Variants in MAP4K3 observed in about 807,000 individuals in gnomAD.
MAP4K3 encodes mitogen-activated protein kinase kinase kinase kinase 3, also known as MAPK/ERK kinase kinase kinase 3.
MAP4K3 carries 94 observed loss-of-function variants against 143.5 expected under a neutral mutation model. The observed-to-expected ratio is 0.65, with a 90% CI of 0.55 to 0.78. MAP4K3 has a LOEUF of 0.78. MAP4K3 is among the 30% of genes least tolerant of loss of function. The pLI, the probability that MAP4K3 is intolerant of heterozygous loss-of-function variation, is 0.00. For synonymous variants in MAP4K3, 416 were observed against 347.2 expected (o/e 1.20, Z -2.20); for missense variants, 1,077 against 1,068.1 (o/e 1.01, Z -0.12).
In MAP4K3 at chr2:39,318,869, T is replaced by C. The variant is rs150575968; in HGVS notation, c.919-3481A>G. On this transcript the variant is annotated intron_variant, in intron 12 of 33. Transcript: ENST00000263881. ...GGGAGCTAGATGAGAATGTCAAGTTTGTACGGGAAGGAAAGACATAGACAG... is the reference window on the plus strand; with the variant it reads ...GGGAGCTAGATGAGAATGTCAAGTTCGTACGGGAAGGAAAGACATAGACAG... Among the ~76,000 whole-genome samples the C allele has an allele frequency of 7.9e-3, 1,208 of 152,272 alleles. 16 individuals carry two copies. Among genetic ancestry groups the C allele is most frequent in the African/African-American group, 0.028 (1,158 of 41,552 alleles).
At chr2:39,304,416 C>T (rs1682620088) in intron 15 of MAP4K3, among the ~76,000 whole-genome samples, 1 of 152,142 alleles carries the variant, frequency 6.6e-6, no homozygotes, top group Non-Finnish European at 1.5e-5. Context: ...TTTTAGTGGC[C>T]AGCCACAAGC....
intron 2 of MAP4K3, among the ~76,000 whole-genome samples, chr2:39,369,427 G>A (rs544260940): frequency 1.3e-5 from 2 of 151,994 alleles, no homozygotes; most frequent in South Asian, 2.1e-4. Context: ...GATTACAGGC[G>A]TGAGCTACTG....
At chr2:39,281,810 GTAT>G (rs901330748) in intron 22 of MAP4K3, among the ~76,000 whole-genome samples, 4 of 150,202 alleles carry the variant, frequency 2.7e-5, no homozygotes, top group African/African-American at 9.7e-5. Context: ...TATAATTTAA[GTAT>G]TATATAAATT....
chr2:39,259,350 G>A (rs1312404386), intron 29 of MAP4K3, among the ~76,000 whole-genome samples: 1 of 152,124 alleles, frequency 6.6e-6, no homozygotes, highest in African/African-American at 2.4e-5. Context: ...AATGTCACAA[G>A]TCTCCCAGTG....
chr2:39,310,214 T>C (rs1012903285), intron 13 of MAP4K3, among the ~76,000 whole-genome samples: 2 of 152,222 alleles, frequency 1.3e-5, no homozygotes, highest in Admixed American at 1.3e-4. Context: ...TATTTAACTT[T>C]ATTTTTGTAC....
intron 27 of MAP4K3, among the ~76,000 whole-genome samples, chr2:39,266,525 T>C (rs1200555426): frequency 2.6e-5 from 4 of 152,174 alleles, no homozygotes; most frequent in African/African-American, 7.2e-5. Context: ...TGTTATGTCA[T>C]TTCTTCTGTT....
intron 2 of MAP4K3, among the ~76,000 whole-genome samples, chr2:39,359,782 C>G (rs1665714630): frequency 6.6e-6 from 1 of 152,222 alleles, no homozygotes; most frequent in South Asian, 2.1e-4. Context: ...GAGGCAATGG[C>G]CTGAGCTATA....
At chr2:39,257,359 A>G (rs768814619) in intron 31 of MAP4K3, among the ~76,000 whole-genome samples, 2 of 152,192 alleles carry the variant, frequency 1.3e-5, no homozygotes, top group African/African-American at 2.4e-5. Flanking sequence ...ACAAGAAGGA[A>G]CTTCCATATA....
intron 2 of MAP4K3, among the ~76,000 whole-genome samples, chr2:39,361,202 C>A (rs181229336): frequency 2.0e-5 from 3 of 152,144 alleles, no homozygotes; most frequent in Admixed American, 2.0e-4. Flanking sequence ...CTCCCACACC[C>A]TTTTGTCTCT....
chr2:39,314,577 C>A (rs1683051657), intron 13 of MAP4K3, among the ~76,000 whole-genome samples: 1 of 152,178 alleles, frequency 6.6e-6, no homozygotes. Flanking sequence ...TATAACCCAC[C>A]ATACTTTCCA....
At chr2:39,405,821 G>A (rs930102070) in intron 1 of MAP4K3, among the ~76,000 whole-genome samples, 5 of 152,020 alleles carry the variant, frequency 3.3e-5, no homozygotes, top group African/African-American at 9.7e-5. Context: ...ACAGTGAGCC[G>A]AGATCATGCC....
intron 22 of MAP4K3, among the ~76,000 whole-genome samples, chr2:39,281,840 T>C (rs1394862907): frequency 6.6e-6 from 1 of 150,966 alleles, no homozygotes; most frequent in African/African-American, 2.4e-5. Flanking sequence ...ATAAAGTATA[T>C]ATATTTTGTA....
intron 1 of MAP4K3, among the ~76,000 whole-genome samples, chr2:39,416,006 A>ATATATATATATATATATATAT (rs1420812309): frequency 1.6e-4 from 12 of 75,846 alleles, no homozygotes; most frequent in African/African-American, 4.3e-4. Context: ...TATATATATA[A>ATATATATATATATATATATAT]AAATAACATT....
At chr2:39,280,495 G>C (rs1681468402) in intron 22 of MAP4K3, 139 bp from the exon 23 acceptor site, 1 of 420,954 alleles carries the variant, frequency 2.4e-6, no homozygotes, top group Non-Finnish European at 4.2e-6. Context: ...ATTTACAGAA[G>C]TAAGTGTAAG....
In MAP4K3 at chr2:39,333,616, T is replaced by C. The variant is rs551695741; in HGVS notation, c.415-42A>G. On this transcript the variant is annotated intron_variant, in intron 6 of 33. Coordinates refer to ENST00000263881, the MANE Select transcript of MAP4K3 (RefSeq NM_003618.4). ...TTTTAGTTAGAGTAGGAAATAGATATTTTATCAGACAGCACATATATAATA... is the reference window on the plus strand; with the variant it reads ...TTTTAGTTAGAGTAGGAAATAGATACTTTATCAGACAGCACATATATAATA... 31 of 1,158,866 alleles carry C rather than the reference T, an allele frequency of 2.7e-5. No homozygotes were observed. The South Asian group carries it at 3.8e-4, about 14-fold the overall frequency. 71.8% of individuals were successfully genotyped at this position (1,158,866 alleles called of 1,614,324 possible).
chr2:39,397,626 C>T lies in MAP4K3; in HGVS notation c.97-19503G>A, dbSNP rs116456240. ...AACTAGAAAGGCTGATTCTAAAGAT[C>T]TTATTGAAAAATAAACAAGCAGTAA... On this transcript the variant is annotated intron_variant, in intron 1 of 33. Coordinates refer to ENST00000263881, the MANE Select transcript of MAP4K3 (RefSeq NM_003618.4). Among the ~76,000 whole-genome samples, 1,035 of 152,222 alleles carry T rather than the reference C, an allele frequency of 6.8e-3. 11 individuals are homozygous for T. Among genetic ancestry groups the T allele is most frequent in the African/African-American group, 0.024 (989 of 41,536 alleles).
chr2:39,317,899 A>G (rs1274682776), intron 12 of MAP4K3, among the ~76,000 whole-genome samples: 2 of 152,170 alleles, frequency 1.3e-5, no homozygotes, highest in Admixed American at 1.3e-4. Flanking sequence ...GCCATTACTG[A>G]GTATATACCC....
At chr2:39,290,856 G>C (rs986096580) in intron 18 of MAP4K3, among the ~76,000 whole-genome samples, 5 of 152,130 alleles carry the variant, frequency 3.3e-5, no homozygotes, top group African/African-American at 1.2e-4. Flanking sequence ...AGATCACGAG[G>C]TCAGGAAATC....
At chr2:39,406,047 TAATTA>T (rs1456633455) in intron 1 of MAP4K3, among the ~76,000 whole-genome samples, 1 of 151,658 alleles carries the variant, frequency 6.6e-6, no homozygotes, top group African/African-American at 2.4e-5. Flanking sequence ...GACACTGAAA[TAATTA>T]AATAGAATCA....
Sources: allele counts gnomAD v4.1 joint callset (sites outside exome capture counted in the v4.1 genomes callset), GRCh38; gene constraint gnomAD v4.1.1; transcripts MANE v1.5; gene names NCBI Gene and HGNC (gene_info 2026-07-23, HGNC 2026-07-21).